The following FSD1L variants were observed in gnomAD, a reference collection of about 807,000 sequenced individuals.
FSD1L encodes FSD1-like protein.
A neutral mutation model predicts 71.6 loss-of-function variants in FSD1L; 45 were observed. The observed-to-expected ratio is 0.63, with a 90% CI of 0.49 to 0.81. The LOEUF (loss-of-function observed/expected upper bound fraction) is 0.81. Among genes scored for constraint, FSD1L ranks in the 30% least tolerant of loss-of-function variants. The pLI is 0.00. For missense variants in FSD1L, 561 were observed against 618.1 expected (o/e 0.91, Z 0.98); for synonymous variants, 197 against 207.2 (o/e 0.95, Z 0.42).
rs376069658 is a variant in FSD1L at position 105,481,141 on chromosome 9, CTGTGTGTGTGTGTGTG to C, written c.464+1788_464+1803del. Among the ~76,000 whole-genome samples, 123 of 81,558 alleles carry C rather than the reference CTGTGTGTGTGTGTGTG, an allele frequency of 1.5e-3. 1 individual carries two copies. The highest frequency in any genetic ancestry group is 1.9e-3 in the Non-Finnish European group (86 of 45,146). 53.5% of individuals were successfully genotyped at this position (81,558 alleles called of 152,430 possible). A position where few individuals can be genotyped will look rare whatever the true frequency, so the allele number is the denominator to read the frequency against. Reference sequence around the variant, plus strand: ...TCAGGAATTAGGGTTCAGGCAAACTCTGTGTGTGTGTGTGTGTGTGTGTGTGTGTGTGTGTGTGGTT... The same window carrying C: ...TCAGGAATTAGGGTTCAGGCAAACTCTGTGTGTGTGTGTGTGTGTGTGGTT... On this transcript the variant is annotated intron_variant, in intron 6 of 13. Transcript: ENST00000481272.
upstream of FSD1L, among the ~76,000 whole-genome samples, chr9:105,446,105 C>CA (rs146571180): frequency 8.9e-4 from 134 of 149,756 alleles, no homozygotes; most frequent in Middle Eastern, 3.4e-3. Flanking sequence ...ATTCAGCCCT[C>CA]AAAAAAAAAA....
Position 105,506,509 on chromosome 9 carries a change from G to C in FSD1L, c.697G>C (p.Glu233Gln). Residue 233 changes from glutamate to glutamine, a missense_variant, in exon 8 of 14, where the codon GAA (glutamate) becomes CAA (glutamine). Glu to Gln is a conservative substitution (Grantham distance 29, BLOSUM62 2). This residue lies in a region of FSD1L where 410 missense variants were observed against 413.5 expected (regional missense o/e 0.99). Transcript: ENST00000481272. Reference protein sequence around the residue: ...EDNKIDHFILEHRKTNFDGLP... With the variant: ...EDNKIDHFILQHRKTNFDGLP... ...TAATAAGATTGACCATTTTATACTG[G>C]AACATAGGAAGACTAATTTTGATGG... 4.5e-6 allele frequency: 7 copies of C among 1,551,304 alleles called. No individual in the cohort carries two copies. Among genetic ancestry groups the C allele is most frequent in the Non-Finnish European group, 5.2e-6 (6 of 1,146,696 alleles).
intron 10 of FSD1L, chr9:105,520,679 C>T: frequency 1.2e-6 from 2 of 1,613,374 alleles, no homozygotes; most frequent in Admixed American, 3.3e-5. Context: ...TTCAGAATAA[C>T]TGTAGCAAAG....
At chr9:105,445,256 G>C (rs1386910905), upstream of FSD1L, among the ~76,000 whole-genome samples, 1 of 152,152 alleles carries the variant, frequency 6.6e-6, no homozygotes, top group Admixed American at 6.5e-5. Context: ...AAAGGCCCAG[G>C]ATGAGCTGGG....
At chr9:105,522,091 C>T (rs1835205860) in intron 10 of FSD1L, 1 of 1,613,226 alleles carries the variant, frequency 6.2e-7, no homozygotes, top group East Asian at 2.2e-5. Context: ...ATGACCTTGG[C>T]AGGTCGACTT....
At chr9:105,497,700 G>A (rs1230343263) in intron 7 of FSD1L, among the ~76,000 whole-genome samples, 1 of 152,024 alleles carries the variant, frequency 6.6e-6, no homozygotes, top group African/African-American at 2.4e-5. Flanking sequence ...CTTTGTTGAT[G>A]CCCCCTCTTT....
upstream of FSD1L, among the ~76,000 whole-genome samples, chr9:105,446,998 G>A (rs375126317): frequency 2.6e-5 from 4 of 151,910 alleles, no homozygotes; most frequent in Non-Finnish European, 4.4e-5. Flanking sequence ...AGGCCACACC[G>A]AGCAGGTTCT....
chr9:105,498,183 C>T (rs1199538289), intron 7 of FSD1L, among the ~76,000 whole-genome samples: 2 of 111,716 alleles, frequency 1.8e-5, no homozygotes, highest in Admixed American at 9.9e-5. Flanking sequence ...TTTCTGCTTG[C>T]TTTGGCTTTA....
At position 105,545,658 on chromosome 9, in the gene FSD1L, C is replaced by T. The variant is rs557869896; in HGVS notation, c.1468-700C>T. Among the ~76,000 whole-genome samples, 641 of 150,848 alleles carry T rather than the reference C, an allele frequency of 4.2e-3. 3 individuals are homozygous for T. Among genetic ancestry groups the T allele is most frequent in the African/African-American group, 0.015 (619 of 40,238 alleles). On this transcript the variant is annotated intron_variant, in intron 13 of 13. Transcript: ENST00000481272. ...AGGGCTGTCGAATTTTGGTAAAGGC[C>T]TTTTCTGCATCTATTGAGATAATCA...
intron 10 of FSD1L, among the ~76,000 whole-genome samples, chr9:105,514,159 A>G (rs1040493877): frequency 3.3e-5 from 5 of 152,212 alleles, no homozygotes; most frequent in African/African-American, 1.2e-4. Flanking sequence ...AAGATACTAC[A>G]TATCTTTACT....
At position 105,551,871 on chromosome 9, in the gene FSD1L, A is replaced by T. The variant is rs146307201; in HGVS notation, c.*5388A>T. The T allele has an allele frequency of 6.6e-6, 1 of 152,174 alleles. No individual in the cohort carries two copies. Among genetic ancestry groups the T allele is most frequent in the East Asian group, 1.9e-4 (1 of 5,198 alleles). 9.4% of individuals were successfully genotyped at this position (152,174 alleles called of 1,614,324 possible). A position where few individuals can be genotyped will look rare whatever the true frequency, so the allele number is the denominator to read the frequency against. On this transcript the variant is annotated 3_prime_UTR_variant, in exon 14 of 14. Coordinates refer to ENST00000481272, the MANE Select transcript of FSD1L (RefSeq NM_001145313.3). ...CACATGCAAAGAGTGTATTTGGTCT[A>T]AACAGTTCTTTCCAAACAACCAAAT... is the stretch of plus-strand genomic sequence containing the variant.
chr9:105,465,775 T>G (rs1464802230), intron 3 of FSD1L, among the ~76,000 whole-genome samples: 1 of 152,162 alleles, frequency 6.6e-6, no homozygotes, highest in Admixed American at 6.6e-5. Context: ...AAAGGCCATA[T>G]GTATAATAAC....
At chr9:105,544,804 G>C (rs1836870060) in intron 13 of FSD1L, among the ~76,000 whole-genome samples, 1 of 152,166 alleles carries the variant, frequency 6.6e-6, no homozygotes. Context: ...TTTGGTACCA[G>C]TACCATGCTG....
At chr9:105,543,243 C>T (rs1188909074) in intron 13 of FSD1L, among the ~76,000 whole-genome samples, 1 of 152,000 alleles carries the variant, frequency 6.6e-6, no homozygotes, top group Non-Finnish European at 1.5e-5. Context: ...GGTGATGATA[C>T]TTAAACAACT....
chr9:105,474,014 T>A (rs973707759), intron 5 of FSD1L, among the ~76,000 whole-genome samples: 1 of 152,216 alleles, frequency 6.6e-6, no homozygotes, highest in Non-Finnish European at 1.5e-5. Context: ...TTAAACCATT[T>A]GGAGATGTGG....
chr9:105,444,787 C>CT (rs998433777), upstream of FSD1L, among the ~76,000 whole-genome samples: 7 of 152,154 alleles, frequency 4.6e-5, no homozygotes, highest in African/African-American at 9.7e-5. Context: ...TCCCCGACCC[C>CT]TTTTTTTGTA....
chr9:105,495,516 G>A (rs1054565315), intron 7 of FSD1L, among the ~76,000 whole-genome samples: 32 of 152,244 alleles, frequency 2.1e-4, no homozygotes, highest in African/African-American at 5.1e-4. Flanking sequence ...ACTGTCCTGC[G>A]CCCACTGTCT....
intron 7 of FSD1L, among the ~76,000 whole-genome samples, chr9:105,503,238 A>G (rs897312481): frequency 6.6e-6 from 1 of 152,182 alleles, no homozygotes; most frequent in African/African-American, 2.4e-5. Flanking sequence ...TTAAATCTCT[A>G]ATTTTTAATA....
intron 10 of FSD1L, among the ~76,000 whole-genome samples, chr9:105,518,862 T>G (rs966921249): frequency 2.0e-5 from 3 of 151,860 alleles, no homozygotes; most frequent in African/African-American, 7.3e-5. Flanking sequence ...AAAAAATCAG[T>G]GAATCCAGGA....
Sources: allele counts gnomAD v4.1 joint callset (sites outside exome capture counted in the v4.1 genomes callset), GRCh38; gene constraint gnomAD v4.1.1; regional missense constraint gnomAD v4.1.1; transcripts MANE v1.5; gene names NCBI Gene and HGNC (gene_info 2026-07-23, HGNC 2026-07-21).